Variants in NOX4 observed in about 807,000 individuals in gnomAD.
NOX4 encodes kidney oxidase-1.
NOX4 carries 69 observed loss-of-function variants against 87.6 expected under a neutral mutation model. The observed-to-expected ratio is 0.79, with a 90% CI of 0.65 to 0.96. The LOEUF is 0.96. Among genes scored for constraint, NOX4 ranks in the 40% least tolerant of loss-of-function variants. The pLI is 0.00. For missense variants in NOX4, 680 were observed against 681.5 expected (o/e 1.00, Z 0.02); for synonymous variants, 275 against 238.2 (o/e 1.15, Z -1.42).
Position 89,326,642 on chromosome 11 carries a change from T to A in NOX4, c.*114A>T. ...CATTTCCATTTTAAATAATCATAAA[T>A]AAGAAAACCTTACTATTCTTTGGCA... On this transcript the variant is annotated 3_prime_UTR_variant, in exon 18 of 18. Coordinates refer to ENST00000263317, the MANE Select transcript of NOX4 (RefSeq NM_016931.5). 1 of 820,748 alleles carries A rather than the reference T, an allele frequency of 1.2e-6. No homozygotes were observed. Among genetic ancestry groups the A allele is most frequent in the East Asian group, 2.7e-5 (1 of 37,408 alleles). The allele number at this position is 820,748 out of a possible 1,614,324, so 50.8% of individuals were successfully genotyped here.
intron 2 of NOX4, among the ~76,000 whole-genome samples, chr11:89,489,727 C>A (rs201551841): frequency 2.0e-3 from 234 of 118,464 alleles, no homozygotes; most frequent in South Asian, 3.0e-3. Flanking sequence ...GACTCTGTCT[C>A]AAAAAAAAAA....
intron 2 of NOX4, among the ~76,000 whole-genome samples, chr11:89,466,745 CAG>C: frequency 6.6e-6 from 1 of 152,150 alleles, no homozygotes; most frequent in South Asian, 2.1e-4. Context: ...AAATGAGAAA[CAG>C]AGTATGAATA....
rs988237399 is a variant in NOX4, at chr11:89,326,447, G to C, written c.*309C>G. ...ATCAGCCTTAGATTGAGCAAGTTCA[G>C]CTCCTCACTAGGGAGTTCTTGAATC... On this transcript the variant is annotated 3_prime_UTR_variant, in exon 18 of 18. Coordinates refer to ENST00000263317, the MANE Select transcript of NOX4 (RefSeq NM_016931.5). 4.8e-5 allele frequency: 9 copies of C among 188,964 alleles called. No homozygotes were observed. Among genetic ancestry groups the C allele is most frequent in the East Asian group, 1.4e-4 (1 of 7,148 alleles). The allele number at this position is 188,964 out of a possible 1,614,324, so 11.7% of individuals were successfully genotyped here.
intron 11 of NOX4, among the ~76,000 whole-genome samples, chr11:89,375,719 G>T (rs1417098446): frequency 6.6e-6 from 1 of 152,094 alleles, no homozygotes. Flanking sequence ...ACTACTGAAG[G>T]CTGACCAGAG....
chr11:89,474,857 C>T (rs926743019), intron 2 of NOX4, among the ~76,000 whole-genome samples: 5 of 151,770 alleles, frequency 3.3e-5, no homozygotes, highest in African/African-American at 1.2e-4. Flanking sequence ...CGTACAAAGT[C>T]ACAATAAAAG....
chr11:89,583,758 G>A, the NOX4 span, among the ~76,000 whole-genome samples: 1 of 152,068 alleles, frequency 6.6e-6, no homozygotes, highest in Admixed American at 6.6e-5. Flanking sequence ...CATTACTCCA[G>A]GAATTGCACT....
chr11:89,397,955 A>G (rs1156286918), intron 11 of NOX4, among the ~76,000 whole-genome samples: 1 of 152,158 alleles, frequency 6.6e-6, no homozygotes, highest in Non-Finnish European at 1.5e-5. Context: ...AATCCTCCCT[A>G]ACTCATTTTA....
At chr11:89,367,107 A>C (rs1939064543) in intron 12 of NOX4, among the ~76,000 whole-genome samples, 1 of 152,168 alleles carries the variant, frequency 6.6e-6, no homozygotes, top group Non-Finnish European at 1.5e-5. Context: ...AGCCATGTTA[A>C]GTTTCATCAT....
At chr11:89,485,397 C>G (rs1229563561) in intron 2 of NOX4, among the ~76,000 whole-genome samples, 1 of 151,890 alleles carries the variant, frequency 6.6e-6, no homozygotes, top group African/African-American at 2.4e-5. Context: ...ATAACTAAGA[C>G]ACATTGAATA....
At chr11:89,492,791 G>C (rs1389481320), upstream of NOX4, among the ~76,000 whole-genome samples, 1 of 152,112 alleles carries the variant, frequency 6.6e-6, no homozygotes, top group Admixed American at 6.6e-5. Flanking sequence ...GGATGCACTG[G>C]TGCTCCTAAG....
At chr11:89,428,260 G>A (rs1239086856) in intron 7 of NOX4, among the ~76,000 whole-genome samples, 1 of 151,686 alleles carries the variant, frequency 6.6e-6, no homozygotes, top group Non-Finnish European at 1.5e-5. Flanking sequence ...AGCCACAGCA[G>A]AAACACACCA....
At chr11:89,376,480 C>T (rs1371903921) in intron 11 of NOX4, among the ~76,000 whole-genome samples, 1 of 152,170 alleles carries the variant, frequency 6.6e-6, no homozygotes, top group Non-Finnish European at 1.5e-5. Context: ...GTATTGATAT[C>T]TACAGCTCTA....
intron 2 of NOX4, among the ~76,000 whole-genome samples, chr11:89,472,041 C>T (rs1404862256): frequency 6.6e-6 from 1 of 152,118 alleles, no homozygotes; most frequent in East Asian, 1.9e-4. Flanking sequence ...TGCACCTGGC[C>T]TTTATTACCT....
intron 4 of NOX4, among the ~76,000 whole-genome samples, chr11:89,447,784 C>A (rs1338157318): frequency 6.6e-6 from 1 of 152,080 alleles, no homozygotes; most frequent in Non-Finnish European, 1.5e-5. Context: ...CTCCCTCTCC[C>A]TAATCTATCT....
intron 2 of NOX4, among the ~76,000 whole-genome samples, chr11:89,478,485 G>A (rs112602930): frequency 9.9e-5 from 15 of 152,046 alleles, no homozygotes; most frequent in African/African-American, 3.6e-4. Context: ...TGATATTGTC[G>A]ACTTTTCACA....
intron 4 of NOX4, among the ~76,000 whole-genome samples, chr11:89,446,799 G>A (rs1944729045): frequency 6.6e-6 from 1 of 152,134 alleles, no homozygotes; most frequent in African/African-American, 2.4e-5. Context: ...GTGGGTACAG[G>A]TCATTACACA....
chr11:89,528,597 T>C, the NOX4 span, among the ~76,000 whole-genome samples: 1 of 152,192 alleles, frequency 6.6e-6, no homozygotes, highest in South Asian at 2.1e-4. Flanking sequence ...GATGGTTTTA[T>C]AAGGGACACT....
chr11:89,395,936 A>T (rs776211819), intron 11 of NOX4, among the ~76,000 whole-genome samples: 4 of 152,054 alleles, frequency 2.6e-5, no homozygotes, highest in Non-Finnish European at 4.4e-5. Flanking sequence ...GTCAGGTAGC[A>T]TGAGGCCTCC....
the NOX4 span, among the ~76,000 whole-genome samples, chr11:89,561,046 C>CATATAT: frequency 2.3e-4 from 6 of 25,680 alleles, no homozygotes; most frequent in South Asian, 7.0e-3. Context: ...ACACATATAT[C>CATATAT]ATACATATAT....
Sources: gnomAD v4.1 joint callset for allele counts (sites outside exome capture counted in the v4.1 genomes callset) on GRCh38, gnomAD v4.1.1 for gene constraint, MANE v1.5 for transcripts, NCBI Gene and HGNC (gene_info 2026-07-23, HGNC 2026-07-21) for gene names.